The following BMPR1B variants were observed in gnomAD, a reference collection of about 807,000 sequenced individuals.
BMPR1B encodes bone morphogenetic protein receptor type-1B.
A neutral mutation model predicts 59.1 loss-of-function variants in BMPR1B; 12 were observed. The observed-to-expected ratio is 0.20, with a 90% CI of 0.13 to 0.33. The LOEUF is 0.33. BMPR1B is among the 10% of genes least tolerant of loss of function. The pLI is 1.00. For missense variants in BMPR1B, 550 were observed against 610.9 expected, an observed-to-expected ratio of 0.90 and a Z score of 1.05; for synonymous variants, 237 against 207.3, an observed-to-expected ratio of 1.14 and a Z score of -1.23.
intron 3 of BMPR1B, among the ~76,000 whole-genome samples, chr4:95,007,783 A>G (rs1722953522): frequency 6.6e-6 from 1 of 152,206 alleles, no homozygotes; most frequent in South Asian, 2.1e-4. Context: ...GAATAGTTCT[A>G]AAGCTTGGTT....
chr4:94,844,000 G>T (rs1578710272), intron 1 of BMPR1B, among the ~76,000 whole-genome samples: 2 of 24,748 alleles, frequency 8.1e-5, no homozygotes, highest in African/African-American at 9.7e-4. Context: ...GTGGTCCCCA[G>T]GGGCTGGGGT....
At chr4:94,893,352 C>T (rs892659469) in intron 2 of BMPR1B, among the ~76,000 whole-genome samples, 4 of 152,096 alleles carry the variant, frequency 2.6e-5, no homozygotes, top group Middle Eastern at 6.8e-3. Context: ...GGACCATTTC[C>T]GTCTTTCTTA....
chr4:94,948,775 C>A (rs1452236990), intron 2 of BMPR1B, among the ~76,000 whole-genome samples: 2 of 152,068 alleles, frequency 1.3e-5, no homozygotes, highest in Non-Finnish European at 2.9e-5. Flanking sequence ...CTTTTTCTTT[C>A]ATTTTAAACT....
intron 3 of BMPR1B, among the ~76,000 whole-genome samples, chr4:95,067,381 G>T (rs1727902452): frequency 6.6e-6 from 1 of 152,120 alleles, no homozygotes; most frequent in Non-Finnish European, 1.5e-5. Context: ...CACATGATGT[G>T]TTGGCATCTT....
intron 3 of BMPR1B, among the ~76,000 whole-genome samples, chr4:95,072,285 T>G (rs1315851565): frequency 6.6e-6 from 1 of 152,150 alleles, no homozygotes; most frequent in Non-Finnish European, 1.5e-5. Flanking sequence ...TCAATGTTAA[T>G]CTCATCCAAA....
chr4:94,795,314 G>T (rs1723143934), intron 1 of BMPR1B, among the ~76,000 whole-genome samples: 1 of 149,454 alleles, frequency 6.7e-6, no homozygotes, highest in South Asian at 2.2e-4. Context: ...TTATATGCTG[G>T]ATTACATTTA....
At chr4:94,887,017 A>G (rs1727194586) in intron 2 of BMPR1B, among the ~76,000 whole-genome samples, 2 of 152,140 alleles carry the variant, frequency 1.3e-5, no homozygotes, top group Admixed American at 6.6e-5. Flanking sequence ...CTCCAATTGC[A>G]TTGCTTTTCA....
chr4:95,119,370 A>T (rs1487347804), intron 6 of BMPR1B, among the ~76,000 whole-genome samples: 3 of 152,256 alleles, frequency 2.0e-5, no homozygotes, highest in Non-Finnish European at 2.9e-5. Flanking sequence ...GATACCTTGA[A>T]TTTATTTTTA....
At chr4:94,924,197 A>G (rs1560549533) in intron 2 of BMPR1B, among the ~76,000 whole-genome samples, 1 of 152,158 alleles carries the variant, frequency 6.6e-6, no homozygotes, top group Non-Finnish European at 1.5e-5. Flanking sequence ...GAGCTTCAGA[A>G]TTACTGAAAC....
chr4:95,110,274 A>G (rs1156901330), intron 4 of BMPR1B, among the ~76,000 whole-genome samples: 1 of 151,944 alleles, frequency 6.6e-6, no homozygotes, highest in Non-Finnish European at 1.5e-5. Context: ...CATTGGGTGA[A>G]ATTATACTAA....
chr4:95,136,384 G>A (rs910053565), intron 10 of BMPR1B, among the ~76,000 whole-genome samples: 1 of 152,054 alleles, frequency 6.6e-6, no homozygotes, highest in African/African-American at 2.4e-5. Flanking sequence ...TTTTTGTTGT[G>A]TCTCTGCCAG....
At chr4:94,902,596 ATTTTTCTGTT>A (rs1258530045) in intron 2 of BMPR1B, among the ~76,000 whole-genome samples, 2 of 146,036 alleles carry the variant, frequency 1.4e-5, no homozygotes, top group Non-Finnish European at 3.1e-5. Flanking sequence ...ATATTTCTGA[ATTTTTCTGTT>A]TTTTTCTGAA....
intron 1 of BMPR1B, among the ~76,000 whole-genome samples, chr4:94,837,755 TCTC>T (rs1285272165): frequency 7.1e-6 from 1 of 141,178 alleles, no homozygotes; most frequent in Admixed American, 7.0e-5. Flanking sequence ...TTTATTTCCT[TCTC>T]CTGCCTAATT....
intron 3 of BMPR1B, among the ~76,000 whole-genome samples, chr4:95,072,946 A>G (rs1238167422): frequency 8.5e-5 from 13 of 152,098 alleles, no homozygotes; most frequent in South Asian, 4.1e-4. Context: ...TTCATCTTCT[A>G]TTTTCTTCAA....
At chr4:95,146,032 G>A (rs576067388) in intron 10 of BMPR1B, among the ~76,000 whole-genome samples, 1 of 152,162 alleles carries the variant, frequency 6.6e-6, no homozygotes, top group Non-Finnish European at 1.5e-5. Flanking sequence ...GACACACTGC[G>A]AATGGAGAAG....
chr4:94,870,782 T>C (rs1726456245), intron 1 of BMPR1B, among the ~76,000 whole-genome samples: 1 of 152,148 alleles, frequency 6.6e-6, no homozygotes. Context: ...GGATTCTGAC[T>C]TCACTCTGGA....
intron 3 of BMPR1B, among the ~76,000 whole-genome samples, chr4:95,080,288 G>A (rs1244030149): frequency 6.6e-6 from 1 of 152,174 alleles, no homozygotes; most frequent in African/African-American, 2.4e-5. Context: ...CCAGGATGGA[G>A]TGCAGTGGTA....
chr4:94,771,017 A>G (rs1291020008), intron 1 of BMPR1B, among the ~76,000 whole-genome samples: 4 of 152,196 alleles, frequency 2.6e-5, no homozygotes, highest in Non-Finnish European at 4.4e-5. Flanking sequence ...AGAAGTAATT[A>G]TAACACGAAA....
At chr4:94,987,537 G>T (rs887495932) in intron 2 of BMPR1B, among the ~76,000 whole-genome samples, 2 of 151,840 alleles carry the variant, frequency 1.3e-5, no homozygotes, top group African/African-American at 4.8e-5. Flanking sequence ...CCATTGAGTT[G>T]GTTTTTGCTG....
Sources: gnomAD v4.1 joint callset for allele counts (sites outside exome capture counted in the v4.1 genomes callset) on GRCh38, gnomAD v4.1.1 for gene constraint, MANE v1.5 for transcripts, NCBI Gene and HGNC (gene_info 2026-07-23, HGNC 2026-07-21) for gene names.